Variants in WWOX observed in about 807,000 individuals in gnomAD.
WWOX encodes the protein WW domain-containing oxidoreductase.
In WWOX, 69 loss-of-function variants were observed where a neutral mutation model predicts 46.2. That is an observed-to-expected ratio of 1.49 (90% CI 1.23 to 1.82). WWOX has a LOEUF of 1.82. Ranked by LOEUF, WWOX falls within the 40% of genes most tolerant of loss-of-function variation. The pLI, the probability that WWOX is intolerant of heterozygous loss-of-function variation, is 0.00. For synonymous variants in WWOX, 359 were observed against 202.6 expected, an observed-to-expected ratio of 1.77 and a Z score of -6.56; for missense variants, 919 against 542.6, an observed-to-expected ratio of 1.69 and a Z score of -6.89.
chr16:78,653,716 A>G (rs145003575), intron 8 of WWOX, among the ~76,000 whole-genome samples: 3 of 152,338 alleles, frequency 2.0e-5, no homozygotes, highest in African/African-American at 7.2e-5. Context: ...CCACTGATTC[A>G]GCTGTCCTAT....
chr16:78,186,432 C>G (rs548335590), intron 5 of WWOX, among the ~76,000 whole-genome samples: 1 of 152,158 alleles, frequency 6.6e-6, no homozygotes, highest in South Asian at 2.1e-4. Flanking sequence ...TATCCTTTGA[C>G]TTGTTGGAAT....
At chr16:78,196,917 G>A (rs375431119) in intron 5 of WWOX, among the ~76,000 whole-genome samples, 2 of 152,228 alleles carry the variant, frequency 1.3e-5, no homozygotes, top group Admixed American at 6.5e-5. Flanking sequence ...AGCATTTTAA[G>A]TGAAGACAAA....
At chr16:78,386,755 A>G (rs919983681) in intron 5 of WWOX, 105 bp from the exon 6 acceptor site, 40 of 1,020,790 alleles carry the variant, frequency 3.9e-5, no homozygotes, top group Non-Finnish European at 5.9e-5. Flanking sequence ...GTCTTATATT[A>G]AACAGGGGAA....
At chr16:79,211,290 C>A (rs1413719223) in intron 8 of WWOX, among the ~76,000 whole-genome samples, 1 of 152,124 alleles carries the variant, frequency 6.6e-6, no homozygotes, top group African/African-American at 2.4e-5. Flanking sequence ...CAGAAGGATA[C>A]CATCTTTTTC....
Position 78,697,625 on chromosome 16 carries a change from C to G in WWOX, c.1056+264873C>G, listed in dbSNP as rs149974213. On this transcript the variant is annotated intron_variant, in intron 8 of 8. Coordinates refer to ENST00000566780, the MANE Select transcript of WWOX (RefSeq NM_016373.4). ...TAGACAGTTCTCAAAAGAAGATACACAAATGACCACCATACGTGAAAAAAT... is the reference window on the plus strand; with the variant it reads ...TAGACAGTTCTCAAAAGAAGATACAGAAATGACCACCATACGTGAAAAAAT... Among the ~76,000 whole-genome samples, 108 of 152,228 alleles carry G rather than the reference C, an allele frequency of 7.1e-4. 1 individual carries two copies. In the East Asian group the frequency reaches 0.019, roughly 27 times the overall value.
At chr16:78,751,711 C>G (rs1186514946) in intron 8 of WWOX, among the ~76,000 whole-genome samples, 1 of 149,368 alleles carries the variant, frequency 6.7e-6, no homozygotes, top group Non-Finnish European at 1.5e-5. Flanking sequence ...CAGTTCCTTA[C>G]CAACACGTAG....
chr16:78,219,018 G>A (rs1258732706), intron 5 of WWOX, among the ~76,000 whole-genome samples: 11 of 152,152 alleles, frequency 7.2e-5, no homozygotes, highest in Admixed American at 4.6e-4. Flanking sequence ...AGTCCTTGGC[G>A]TCCAGGACTA....
At chr16:79,176,477 C>T (rs1329648357) in intron 8 of WWOX, among the ~76,000 whole-genome samples, 1 of 152,214 alleles carries the variant, frequency 6.6e-6, no homozygotes, top group African/African-American at 2.4e-5. Context: ...AGCTGGCAGT[C>T]TGTCACAGGA....
At chr16:78,202,944 CAG>C (rs2036279745) in intron 5 of WWOX, among the ~76,000 whole-genome samples, 1 of 151,680 alleles carries the variant, frequency 6.6e-6, no homozygotes, top group South Asian at 2.1e-4. Context: ...AAGGTCAAAA[CAG>C]AAAATAAAAA....
In WWOX at chr16:79,010,659, C is replaced by T. The variant is rs2047285280; in HGVS notation, c.1057-200949C>T. Among the ~76,000 whole-genome samples, 4 of 152,078 alleles carry T rather than the reference C, an allele frequency of 2.6e-5. No individual in the cohort carries two copies. The South Asian group carries it at 8.3e-4, about 32-fold the overall frequency. On this transcript the variant is annotated intron_variant, in intron 8 of 8. Coordinates refer to ENST00000566780, the MANE Select transcript of WWOX (RefSeq NM_016373.4). ...GAGGAGACGGAGAAGTTGGAGAAGA[C>T]AGTGGATTGTTTCTCTGGGTGGTCA...
chr16:79,064,343 C>A (rs1023655336), intron 8 of WWOX, among the ~76,000 whole-genome samples: 1 of 152,224 alleles, frequency 6.6e-6, no homozygotes, highest in Non-Finnish European at 1.5e-5. Flanking sequence ...CGATGGGTTG[C>A]ACTGTAAGTT....
At chr16:78,912,043 A>C (rs117670448) in intron 8 of WWOX, among the ~76,000 whole-genome samples, 4,503 of 152,084 alleles carry the variant, frequency 0.03, 104 homozygotes, top group Middle Eastern at 0.068. Flanking sequence ...GGGCAAAGCT[A>C]CCTAGGTTCT....
At chr16:78,433,507 C>A (rs1016304673) in intron 8 of WWOX, among the ~76,000 whole-genome samples, 1 of 152,148 alleles carries the variant, frequency 6.6e-6, no homozygotes, top group Non-Finnish European at 1.5e-5. Context: ...AAATGTCTTC[C>A]TATTAGTGGA....
At chr16:78,690,817 G>T (rs185503021) in intron 8 of WWOX, among the ~76,000 whole-genome samples, 1 of 152,142 alleles carries the variant, frequency 6.6e-6, no homozygotes, top group East Asian at 1.9e-4. Flanking sequence ...TGGCATATGC[G>T]TATGTTTCAA....
At chr16:78,416,583 C>A (rs1316388843) in intron 6 of WWOX, among the ~76,000 whole-genome samples, 4 of 152,064 alleles carry the variant, frequency 2.6e-5, no homozygotes, top group African/African-American at 4.8e-5. Flanking sequence ...GTAGCAAGTT[C>A]CTTGGTTTGC....
At chr16:78,915,743 C>G (rs2045235393) in intron 8 of WWOX, among the ~76,000 whole-genome samples, 2 of 152,064 alleles carry the variant, frequency 1.3e-5, no homozygotes, top group African/African-American at 4.8e-5. Context: ...CTGCCTTGAT[C>G]AAACATTTGC....
intron 8 of WWOX, among the ~76,000 whole-genome samples, chr16:78,638,774 G>T (rs1186964791): frequency 1.3e-5 from 2 of 152,086 alleles, no homozygotes; most frequent in Non-Finnish European, 2.9e-5. Flanking sequence ...GAGGAGATGT[G>T]GCATTTCTAG....
chr16:78,779,924 T>A (rs1042709293), intron 8 of WWOX, among the ~76,000 whole-genome samples: 8 of 152,234 alleles, frequency 5.3e-5, no homozygotes, highest in African/African-American at 1.7e-4. Context: ...AAGCTCTGAA[T>A]TGCAGCCACA....
intron 8 of WWOX, among the ~76,000 whole-genome samples, chr16:79,010,261 CAGAG>C (rs776152127): frequency 9.2e-5 from 14 of 152,268 alleles, no homozygotes; most frequent in Middle Eastern, 3.4e-3. Flanking sequence ...GCTGGGGACT[CAGAG>C]AGGAGCAGAC....
Sources: gnomAD v4.1 joint callset for allele counts (sites outside exome capture counted in the v4.1 genomes callset) on GRCh38, gnomAD v4.1.1 for gene constraint, MANE v1.5 for transcripts, NCBI Gene and HGNC (gene_info 2026-07-23, HGNC 2026-07-21) for gene names.